PRPF6: variants seen among roughly 807,000 people sequenced by gnomAD.
The protein encoded by PRPF6 is pre-mRNA-processing factor 6.
Under a neutral mutation model 118.3 loss-of-function variants are expected in PRPF6, and 42 were observed. That is an observed-to-expected ratio of 0.35 (90% CI 0.28 to 0.46). The LOEUF is 0.46. Ranked by LOEUF, PRPF6 falls within the 20% of genes least tolerant of loss-of-function variation. The probability of loss-of-function intolerance (pLI) is 1.00; values close to 1 mark genes in which losing one functional copy is unlikely to be tolerated. For synonymous variants in PRPF6, 481 were observed against 485.1 expected (o/e 0.99, Z 0.11); for missense variants, 662 against 1,255.7 (o/e 0.53, Z 7.15).
chr20:63,987,045 C>T (rs1265010179), intron 3 of PRPF6, among the ~76,000 whole-genome samples: 1 of 151,466 alleles, frequency 6.6e-6, no homozygotes, highest in Non-Finnish European at 1.5e-5. Context: ...TGGCACACAC[C>T]TGTAGTCCTA....
intron 1 of PRPF6, 78 bp downstream of exon 1, chr20:63,981,394 G>A: frequency 2.9e-6 from 4 of 1,390,818 alleles, no homozygotes; most frequent in Non-Finnish European, 3.0e-6. Context: ...TTGGGGGCGG[G>A]GGTCTATGGC....
intron 6 of PRPF6, 25 bp downstream of exon 6, chr20:63,995,507 C>T (rs6122045): frequency 6.2e-7 from 1 of 1,613,846 alleles, no homozygotes; most frequent in South Asian, 1.1e-5. Flanking sequence ...CAGCATTTTC[C>T]TGTGGACAGG....
chr20:64,016,876 A>G, intron 12 of PRPF6, 31 bp downstream of exon 12: 6 of 1,613,856 alleles, frequency 3.7e-6, no homozygotes, highest in Non-Finnish European at 5.1e-6. Context: ...TTTGTCCGTA[A>G]TATGGAGTCT....
chr20:63,986,157 C>G (rs192327336), intron 3 of PRPF6, among the ~76,000 whole-genome samples: 1 of 151,768 alleles, frequency 6.6e-6, no homozygotes, highest in African/African-American at 2.4e-5. Context: ...TCTGGCCAAC[C>G]TAGTGAAACC....
At position 64,029,627 on chromosome 20, in the gene PRPF6, G is replaced by C; in HGVS notation, c.2546+136G>C. 3.8e-6 allele frequency: 3 copies of C among 780,242 alleles called. No individual in the cohort carries two copies. Among genetic ancestry groups the C allele is most frequent in the Non-Finnish European group, 4.3e-6 (2 of 467,378 alleles). The allele number at this position is 780,242 out of a possible 1,614,324, so 48.3% of individuals were successfully genotyped here. On this transcript the variant is annotated intron_variant, in intron 19 of 20. Coordinates refer to ENST00000266079, the MANE Select transcript of PRPF6 (RefSeq NM_012469.4). The surrounding 1 kb of genome is among the most constrained non-coding windows in gnomAD (Gnocchi z 4.8). ...GCTTCCCCGATCCTCGGCTGCCGTC[G>C]CTCCTGCTGTGGTCTGGGGCAGGCG...
chr20:63,981,447 C>A, intron 1 of PRPF6, 131 bp downstream of exon 1: 1 of 876,838 alleles, frequency 1.1e-6, no homozygotes, highest in South Asian at 1.7e-5. Flanking sequence ...TTAATCCCTG[C>A]AGGAAGCAAC....
intron 2 of PRPF6, among the ~76,000 whole-genome samples, 153 bp from the exon 3 acceptor site, chr20:63,984,754 G>C (rs574849336): frequency 2.0e-5 from 3 of 152,186 alleles, no homozygotes; most frequent in Non-Finnish European, 4.4e-5. Context: ...TTGAAGAGTA[G>C]TCACCAGTTA....
chr20:64,021,158 C>T (rs1234156060), intron 12 of PRPF6, among the ~76,000 whole-genome samples: 2 of 152,150 alleles, frequency 1.3e-5, no homozygotes, highest in Non-Finnish European at 1.5e-5. Context: ...TGTGTGTACA[C>T]GTACATATGC....
At chr20:64,024,394 A>G (rs1442538337) in intron 13 of PRPF6, among the ~76,000 whole-genome samples, 161 bp from the exon 14 acceptor site, 5 of 152,142 alleles carry the variant, frequency 3.3e-5, no homozygotes, top group Admixed American at 3.3e-4. Context: ...GAGAGGAAAG[A>G]TTTCCCCACA....
At position 64,011,113 on chromosome 20, in the gene PRPF6, A is replaced by T. The variant is rs2059215062; in HGVS notation, c.1306-172A>T. Among the ~76,000 whole-genome samples, 1 of 152,208 alleles carries T rather than the reference A, an allele frequency of 6.6e-6. No homozygotes were observed. Among genetic ancestry groups the T allele is most frequent in the African/African-American group, 2.4e-5 (1 of 41,458 alleles). On this transcript the variant is annotated intron_variant, in intron 10 of 20. Coordinates refer to ENST00000266079, the MANE Select transcript of PRPF6 (RefSeq NM_012469.4). This position sits in a 1 kb window ranked among gnomAD's most constrained non-coding sequence, Gnocchi z 6.7. ...AAATGAGTCAGAAGCATAAAGGAAC[A>T]GTTGGTCAGGTGAGAAGTGCTGCTG...
In PRPF6 at chr20:63,994,847, G is replaced by T. The variant is rs767369491; in HGVS notation, c.439-69G>T. 1.6e-5 allele frequency: 26 copies of T among 1,589,608 alleles called. No individual in the cohort carries two copies. In the Admixed American group the frequency reaches 4.2e-4, roughly 26 times the overall value. ...ATCTGGAGGCTAGGGGTGAGAGAGGGCATGGTCCTACCTGGGCACATGAAA... is the reference window on the plus strand; with the variant it reads ...ATCTGGAGGCTAGGGGTGAGAGAGGTCATGGTCCTACCTGGGCACATGAAA... On this transcript the variant is annotated intron_variant, in intron 4 of 20. Transcript: ENST00000266079.
At chr20:64,003,581 G>A (rs1411752247) in intron 9 of PRPF6, among the ~76,000 whole-genome samples, 1 of 152,116 alleles carries the variant, frequency 6.6e-6, no homozygotes, top group Non-Finnish European at 1.5e-5. Flanking sequence ...CTCAGTGAAT[G>A]CTCAGAGACA....
intron 3 of PRPF6, among the ~76,000 whole-genome samples, chr20:63,988,862 C>T (rs1397082142): frequency 6.0e-5 from 9 of 150,910 alleles, no homozygotes; most frequent in Non-Finnish European, 1.3e-4. Context: ...GAGTGAGACT[C>T]CGTCTCAAAA....
intron 3 of PRPF6, among the ~76,000 whole-genome samples, chr20:63,991,402 A>G (rs1314704306): frequency 6.6e-6 from 1 of 152,132 alleles, no homozygotes; most frequent in Non-Finnish European, 1.5e-5. Flanking sequence ...AGCCTGGGCA[A>G]CAGACCAAGG....
rs1569228012 is a variant in PRPF6 at position 64,033,089 on chromosome 20, C to G, written c.*96C>G. 1 of 1,553,826 alleles carries G rather than the reference C, an allele frequency of 6.4e-7. No homozygotes were observed. Among genetic ancestry groups the G allele is most frequent in the African/African-American group, 1.4e-5 (1 of 73,986 alleles). On this transcript the variant is annotated 3_prime_UTR_variant, in exon 21 of 21. Transcript: ENST00000266079. Reference sequence around the variant, plus strand: ...CCTCCTTCATTAAAAGTTTTTATGTCTCGTGTCAGAACAGGCAGCCTGCTG... The same window carrying G: ...CCTCCTTCATTAAAAGTTTTTATGTGTCGTGTCAGAACAGGCAGCCTGCTG...
At chr20:64,000,953 G>A in intron 8 of PRPF6, 124 bp from the exon 9 acceptor site, 2 of 984,844 alleles carry the variant, frequency 2.0e-6, no homozygotes, top group South Asian at 1.3e-5. Context: ...TGTGTTAGAG[G>A]CTGAGCTAAT....
chr20:64,014,203 G>A (rs2059227643), intron 11 of PRPF6, among the ~76,000 whole-genome samples: 1 of 152,002 alleles, frequency 6.6e-6, no homozygotes, highest in Non-Finnish European at 1.5e-5. Context: ...GCCTCCCAGA[G>A]TGCTGGGATT....
rs941585005 is a variant in PRPF6, at chr20:64,029,557, T to C, written c.2546+66T>C. ...TAATGGGCTCTTTTTCCAGAGTCTG[T>C]CTGCCTCTTCCTGGTCATTGTAAAG... is the stretch of plus-strand genomic sequence containing the variant. On this transcript the variant is annotated intron_variant, in intron 19 of 20. Coordinates refer to ENST00000266079, the MANE Select transcript of PRPF6 (RefSeq NM_012469.4). The surrounding 1 kb of genome is among the most constrained non-coding windows in gnomAD (Gnocchi z 4.8). 3.7e-5 allele frequency: 50 copies of C among 1,349,798 alleles called. No homozygotes were observed. The highest frequency in any genetic ancestry group is 5.2e-5 in the Non-Finnish European group (49 of 943,366). The allele number at this position is 1,349,798 out of a possible 1,614,324, so 83.6% of individuals were successfully genotyped here.
At chr20:63,982,954 G>C in intron 1 of PRPF6, 93 bp from the exon 2 acceptor site, 1 of 1,456,724 alleles carries the variant, frequency 6.9e-7, no homozygotes, top group Non-Finnish European at 9.4e-7. Context: ...AAAGGTGTTA[G>C]AAAAAGAGGT....
Sources: gnomAD v4.1 joint callset for allele counts (sites outside exome capture counted in the v4.1 genomes callset) on GRCh38, gnomAD v4.1.1 for gene constraint, Gnocchi (gnomAD v3.1) non-coding constraint, MANE v1.5 for transcripts, NCBI Gene and HGNC (gene_info 2026-07-23, HGNC 2026-07-21) for gene names.